VPS37A: variants seen among roughly 807,000 people sequenced by gnomAD.
The protein encoded by VPS37A is VPS37A subunit of ESCRT-I.
In VPS37A, 30 loss-of-function variants were observed where a neutral mutation model predicts 49.8. The ratio of observed to expected loss-of-function variants is 0.60; its 90% CI spans 0.45 to 0.82. The LOEUF (loss-of-function observed/expected upper bound fraction) is 0.82. VPS37A is among the 40% of genes least tolerant of loss of function. The pLI is 0.00. For synonymous variants in VPS37A, 195 were observed against 160.6 expected, an observed-to-expected ratio of 1.21 and a Z score of -1.62; for missense variants, 593 against 464.4, an observed-to-expected ratio of 1.28 and a Z score of -2.55.
intron 10 of VPS37A, among the ~76,000 whole-genome samples, chr8:17,285,241 A>C (rs1167850967): frequency 6.6e-6 from 1 of 152,178 alleles, no homozygotes; most frequent in East Asian, 1.9e-4. Context: ...CAGGTAAATC[A>C]AATAGTTGTT....
downstream of VPS37A, among the ~76,000 whole-genome samples, chr8:17,302,593 A>C (rs1190708168): frequency 2.0e-5 from 3 of 150,558 alleles, no homozygotes; most frequent in Non-Finnish European, 4.4e-5. Flanking sequence ...CTTAGTTTTG[A>C]ACTTTGAAAT....
At position 17,270,246 on chromosome 8, in the gene VPS37A, G is replaced by T. The variant is rs145004042; in HGVS notation, c.416+1290G>T. 4.6e-4 allele frequency among the ~76,000 whole-genome samples: 70 copies of T among 152,222 alleles called. 1 individual carries two copies. Among genetic ancestry groups the T allele is most frequent in the Non-Finnish European group, 8.7e-4 (59 of 68,008 alleles). On this transcript the variant is annotated intron_variant, in intron 4 of 11. Coordinates refer to ENST00000324849, the MANE Select transcript of VPS37A (RefSeq NM_152415.3). ...AGGGGAAAACATCCAAACTATATCA[G>T]ATGAATAACAGATTACCCTAAAAAC...
chr8:17,286,280 G>C lies in VPS37A; in HGVS notation c.1114-67G>C, dbSNP rs939038187. 3.9e-6 allele frequency: 5 copies of C among 1,288,872 alleles called. No homozygotes were observed. In the African/African-American group the frequency reaches 4.5e-5, roughly 12 times the overall value. 79.8% of individuals were successfully genotyped at this position (1,288,872 alleles called of 1,614,324 possible). A position where few individuals can be genotyped will look rare whatever the true frequency, so the allele number is the denominator to read the frequency against. ...CAAGTTAAAAGCTTCCTGTCATACT[G>C]TTGGAAGTAAAGTAGTAGGCATATC... is the stretch of plus-strand genomic sequence containing the variant. On this transcript the variant is annotated intron_variant, in intron 10 of 11. Coordinates refer to ENST00000324849, the MANE Select transcript of VPS37A (RefSeq NM_152415.3).
downstream of VPS37A, chr8:17,300,204 C>T (rs778066206): frequency 6.2e-7 from 1 of 1,603,602 alleles, no homozygotes; most frequent in Non-Finnish European, 8.5e-7. Flanking sequence ...TTAACTGGAC[C>T]TTTTGAATTT....
chr8:17,252,342 G>A (rs1334540947), intron 1 of VPS37A, among the ~76,000 whole-genome samples: 2 of 151,960 alleles, frequency 1.3e-5, no homozygotes, highest in East Asian at 3.9e-4. Flanking sequence ...TTTTGTTGTT[G>A]TTGTTGTTGT....
chr8:17,292,503 T>C (rs1390507213), intron 11 of VPS37A, among the ~76,000 whole-genome samples: 2 of 152,214 alleles, frequency 1.3e-5, no homozygotes, highest in African/African-American at 4.8e-5. Flanking sequence ...CCTGTCATTA[T>C]GATGCTAGCT....
At chr8:17,302,163 G>A (rs755736040), downstream of VPS37A, 44 of 1,613,852 alleles carry the variant, frequency 2.7e-5, no homozygotes, top group Non-Finnish European at 3.6e-5. Flanking sequence ...CTTCTTCCAG[G>A]GCCTCTAGTT....
At chr8:17,306,102 G>C (rs1409048730), downstream of VPS37A, 3 of 680,590 alleles carry the variant, frequency 4.4e-6, no homozygotes, top group Non-Finnish European at 7.0e-6. Context: ...AGGTAGAAAA[G>C]TTAAGATTTT....
chr8:17,300,227 A>G (rs200314031), downstream of VPS37A: 1 of 1,596,466 alleles, frequency 6.3e-7, no homozygotes, highest in East Asian at 2.2e-5. Context: ...TCCAGCCTCT[A>G]AGAAAGAAAT....
Position 17,262,224 on chromosome 8 carries a change from G to A in VPS37A, c.126-3683G>A, listed in dbSNP as rs566738784. On this transcript the variant is annotated intron_variant, in intron 1 of 11. Coordinates refer to ENST00000324849, the MANE Select transcript of VPS37A (RefSeq NM_152415.3). ...ACTGATCCTCATATTTGAGTTCTGG[G>A]ATGTCGTTGGTGTTAATCTTAGTGT... Among the ~76,000 whole-genome samples the A allele has an allele frequency of 5.1e-4, 77 of 152,208 alleles. 1 individual carries two copies. The Middle Eastern group carries it at 0.01, about 20-fold the overall frequency.
the VPS37A span, among the ~76,000 whole-genome samples, chr8:17,320,218 C>T: frequency 6.6e-6 from 1 of 152,030 alleles, no homozygotes; most frequent in Admixed American, 6.5e-5. Flanking sequence ...ATGTTTTCTG[C>T]ACTTGTGTCT....
At chr8:17,290,092 C>G (rs11783128) in intron 11 of VPS37A, among the ~76,000 whole-genome samples, 86,493 of 152,088 alleles carry the variant, frequency 0.57, 26,280 homozygotes, top group East Asian at 0.77. Context: ...GCTTAAGGAG[C>G]TTTTGGGCTG....
chr8:17,305,843 C>G, downstream of VPS37A: 1 of 1,613,638 alleles, frequency 6.2e-7, no homozygotes, highest in South Asian at 1.1e-5. Context: ...GAATCAAAAA[C>G]CTCTCATTGA....
In VPS37A at chr8:17,246,980, C is replaced by T. The variant is rs1283886260; in HGVS notation, c.-265C>T. Reference sequence around the variant, plus strand: ...AGCGCTGGGCGGCCAGGCTCCCTGGCTGGCCGGTTTGGGCGTCTGGGCCGT... The same window carrying T: ...AGCGCTGGGCGGCCAGGCTCCCTGGTTGGCCGGTTTGGGCGTCTGGGCCGT... On this transcript the variant is annotated 5_prime_UTR_variant, in exon 1 of 12. Transcript: ENST00000324849. 4.1e-6 allele frequency: 2 copies of T among 485,842 alleles called. No individual in the cohort carries two copies. Among genetic ancestry groups the T allele is most frequent in the Non-Finnish European group, 3.7e-6 (1 of 272,090 alleles). The allele number at this position is 485,842 out of a possible 1,614,324, so 30.1% of individuals were successfully genotyped here.
chr8:17,312,829 A>G, the VPS37A span, among the ~76,000 whole-genome samples: 1 of 152,206 alleles, frequency 6.6e-6, no homozygotes, highest in African/African-American at 2.4e-5. Flanking sequence ...GAACAACACA[A>G]AAGACATTGC....
the VPS37A span, among the ~76,000 whole-genome samples, chr8:17,331,689 A>G: frequency 6.6e-6 from 1 of 152,230 alleles, no homozygotes; most frequent in Non-Finnish European, 1.5e-5. Context: ...AAGGCTCTAT[A>G]CATTATTATA....
At chr8:17,278,723 C>A (rs925890563) in intron 6 of VPS37A, among the ~76,000 whole-genome samples, 5 of 151,936 alleles carry the variant, frequency 3.3e-5, no homozygotes, top group Non-Finnish European at 7.4e-5. Flanking sequence ...GTTCTGTTGT[C>A]TTTAGGATAT....
intron 9 of VPS37A, among the ~76,000 whole-genome samples, chr8:17,280,914 A>G (rs1189827601): frequency 6.6e-6 from 1 of 151,894 alleles, no homozygotes; most frequent in Non-Finnish European, 1.5e-5. Flanking sequence ...TTCAACCTAT[A>G]TTTCTGAAAA....
intron 1 of VPS37A, chr8:17,247,839 A>T (rs917785085): frequency 4.3e-6 from 3 of 691,378 alleles, no homozygotes; most frequent in Non-Finnish European, 7.9e-6. Flanking sequence ...TCATCAGTGA[A>T]TGCTTCTCGT....
Sources: allele counts gnomAD v4.1 joint callset (sites outside exome capture counted in the v4.1 genomes callset), GRCh38; gene constraint gnomAD v4.1.1; transcripts MANE v1.5; gene names NCBI Gene and HGNC (gene_info 2026-07-23, HGNC 2026-07-21).